Variants in PPP2R2B observed in about 807,000 individuals in gnomAD.
The protein encoded by PPP2R2B is serine/threonine-protein phosphatase 2A 55 kDa regulatory subunit B beta isoform.
Under a neutral mutation model 46.0 loss-of-function variants are expected in PPP2R2B, and 5 were observed. The observed-to-expected ratio is 0.11, with a 90% CI of 0.06 to 0.23. The LOEUF is 0.23. Ranked by LOEUF, PPP2R2B falls within the 10% of genes least tolerant of loss-of-function variation. The pLI, the probability that PPP2R2B is intolerant of heterozygous loss-of-function variation, is 1.00. For missense variants in PPP2R2B, 367 were observed against 575.0 expected (o/e 0.64, Z 3.70); for synonymous variants, 215 against 206.7 (o/e 1.04, Z -0.34).
intron 1 of PPP2R2B, among the ~76,000 whole-genome samples, chr5:146,955,677 G>T (rs1441731626): frequency 6.6e-6 from 1 of 151,956 alleles, no homozygotes; most frequent in African/African-American, 2.4e-5. Flanking sequence ...CAGAGTGCAG[G>T]TGTCCTGATT....
chr5:146,688,768 C>T (rs972153917), intron 5 of PPP2R2B, among the ~76,000 whole-genome samples: 1 of 152,022 alleles, frequency 6.6e-6, no homozygotes, highest in Admixed American at 6.6e-5. Context: ...TATGAAATCC[C>T]ATAGGATGCC....
At chr5:146,881,466 G>A (rs1339513062), upstream of PPP2R2B, among the ~76,000 whole-genome samples, 1 of 151,758 alleles carries the variant, frequency 6.6e-6, no homozygotes, top group Non-Finnish European at 1.5e-5. Context: ...AGGCTGGATT[G>A]CAGTGACACG....
intron 2 of PPP2R2B, among the ~76,000 whole-genome samples, chr5:146,826,287 C>A (rs1582200612): frequency 1.3e-5 from 2 of 152,236 alleles, no homozygotes; most frequent in East Asian, 1.9e-4. Flanking sequence ...AATTCTCAAC[C>A]ATCATGCCTA....
intron 1 of PPP2R2B, among the ~76,000 whole-genome samples, chr5:146,924,971 G>A (rs1008740518): frequency 2.0e-5 from 3 of 152,036 alleles, no homozygotes; most frequent in South Asian, 4.1e-4. Flanking sequence ...CACCATATGC[G>A]TTTTAATGTA....
intron 1 of PPP2R2B, among the ~76,000 whole-genome samples, chr5:147,049,309 C>A (rs1051415381): frequency 3.9e-5 from 6 of 151,988 alleles, no homozygotes; most frequent in African/African-American, 1.4e-4. Flanking sequence ...ATGTTTTTGT[C>A]GAGTCTCTAG....
chr5:146,590,415 T>TGAA (rs1770514747), intron 9 of PPP2R2B, among the ~76,000 whole-genome samples, 189 bp from the exon 10 acceptor site: 1 of 150,560 alleles, frequency 6.6e-6, no homozygotes, highest in African/African-American at 2.5e-5. Context: ...TTTTTTTTTT[T>TGAA]TGAATCACTG....
At chr5:146,627,684 C>T (rs917522367) in intron 7 of PPP2R2B, among the ~76,000 whole-genome samples, 11 of 152,320 alleles carry the variant, frequency 7.2e-5, no homozygotes, top group African/African-American at 2.2e-4. Context: ...AGGTCCTCCA[C>T]TGTGATCTGG....
At chr5:146,628,264 G>C (rs1774194467) in intron 7 of PPP2R2B, among the ~76,000 whole-genome samples, 1 of 152,170 alleles carries the variant, frequency 6.6e-6, no homozygotes, top group East Asian at 1.9e-4. Context: ...AGATTTTAAG[G>C]TCTAAAGTGC....
chr5:146,984,879 T>G (rs775918428), intron 1 of PPP2R2B, among the ~76,000 whole-genome samples: 26 of 152,140 alleles, frequency 1.7e-4, no homozygotes, highest in Non-Finnish European at 3.1e-4. Context: ...TGCCTTCTTT[T>G]GAAAAATGTC....
At chr5:146,779,211 T>G (rs1042798974) in intron 2 of PPP2R2B, among the ~76,000 whole-genome samples, 7 of 152,196 alleles carry the variant, frequency 4.6e-5, no homozygotes, top group African/African-American at 1.7e-4. Context: ...CAGTGACACT[T>G]GAGTCTCTTC....
In PPP2R2B at chr5:146,947,401, G is replaced by A. The variant is rs149581205; in HGVS notation, c.79+108264C>T. 3.0e-3 allele frequency among the ~76,000 whole-genome samples: 452 copies of A among 152,244 alleles called. 4 individuals are homozygous for A. Among genetic ancestry groups the A allele is most frequent in the African/African-American group, 0.011 (437 of 41,558 alleles). Reference sequence around the variant, plus strand: ...GATCAGGATCAACAGGGACCAGCACGTGACTGAAATCTGGTCAATGAAATT... The same window carrying A: ...GATCAGGATCAACAGGGACCAGCACATGACTGAAATCTGGTCAATGAAATT... On this transcript the variant is annotated intron_variant, in intron 1 of 8. Coordinates refer to the PPP2R2B transcript ENST00000336640.
At chr5:147,064,083 C>A (rs1757349390) in intron 2 of PPP2R2B, among the ~76,000 whole-genome samples, 1 of 152,204 alleles carries the variant, frequency 6.6e-6, no homozygotes, top group East Asian at 1.9e-4. Flanking sequence ...TCACAGCAGC[C>A]TGCATGAGAG....
intron 1 of PPP2R2B, among the ~76,000 whole-genome samples, chr5:146,973,655 T>C (rs1442139190): frequency 6.6e-6 from 1 of 152,156 alleles, no homozygotes; most frequent in African/African-American, 2.4e-5. Flanking sequence ...GCCACTTGAT[T>C]ATATGAGAGG....
intron 2 of PPP2R2B, among the ~76,000 whole-genome samples, chr5:146,733,128 C>G (rs1428067161): frequency 1.3e-5 from 2 of 152,156 alleles, no homozygotes; most frequent in Non-Finnish European, 2.9e-5. Flanking sequence ...ACTTCCTTTA[C>G]AAATGTAAAT....
chr5:146,702,721 TG>T (rs1366259762), intron 2 of PPP2R2B, among the ~76,000 whole-genome samples: 3 of 152,244 alleles, frequency 2.0e-5, no homozygotes, highest in Admixed American at 6.5e-5. Context: ...ATCATATCTG[TG>T]GGCTGAATGT....
chr5:146,993,363 C>A (rs1385131252), intron 1 of PPP2R2B, among the ~76,000 whole-genome samples: 2 of 152,108 alleles, frequency 1.3e-5, no homozygotes, highest in African/African-American at 2.4e-5. Flanking sequence ...CTACCTCAGC[C>A]TCCCGAGTAG....
intron 2 of PPP2R2B, among the ~76,000 whole-genome samples, chr5:146,737,431 G>C (rs1160860898): frequency 2.0e-5 from 3 of 152,146 alleles, no homozygotes; most frequent in Non-Finnish European, 4.4e-5. Context: ...ACTGTAGAGA[G>C]TATTTACTTT....
intron 1 of PPP2R2B, among the ~76,000 whole-genome samples, chr5:146,904,344 T>C (rs374635216): frequency 3.0e-4 from 46 of 152,290 alleles, no homozygotes; most frequent in African/African-American, 1.1e-3. Flanking sequence ...AACATTATTA[T>C]AAAAGGAGAC....
rs1414980644 is a variant in PPP2R2B, at chr5:146,588,371, A to AT, written c.*1575dup. 6.6e-6 allele frequency: 1 copy of AT among 152,102 alleles called. No homozygotes were observed. The allele number at this position is 152,102 out of a possible 1,614,324, so 9.4% of individuals were successfully genotyped here. A position where few individuals can be genotyped will look rare whatever the true frequency, so the allele number is the denominator to read the frequency against. On this transcript the variant is annotated 3_prime_UTR_variant, in exon 10 of 10. Coordinates refer to ENST00000394411, the MANE Select transcript of PPP2R2B (RefSeq NM_181675.4). ...ATTGAGATAAAATGATTCTTTCACT[A>AT]TTTTTTCCTCCTCCAAAGCAAATTA...
Sources: allele counts gnomAD v4.1 joint callset (sites outside exome capture counted in the v4.1 genomes callset), GRCh38; gene constraint gnomAD v4.1.1; transcripts MANE v1.5; gene names NCBI Gene and HGNC (gene_info 2026-07-23, HGNC 2026-07-21).